Variants in DEPDC5 observed in about 807,000 individuals in gnomAD.
The protein encoded by DEPDC5 is DEP domain containing 5, GATOR1 subcomplex subunit, also known as GATOR1 complex protein DEPDC5.
A neutral mutation model predicts 217.3 loss-of-function variants in DEPDC5; 73 were observed. That is an observed-to-expected ratio of 0.34 (90% confidence interval 0.28 to 0.41). The LOEUF is 0.41. Ranked by LOEUF, DEPDC5 falls within the 10% of genes least tolerant of loss-of-function variation. The pLI, the probability that DEPDC5 is intolerant of heterozygous loss-of-function variation, is 1.00. For synonymous variants in DEPDC5, 733 were observed against 756.7 expected (o/e 0.97, Z 0.51); for missense variants, 1,675 against 2,070.1 (o/e 0.81, Z 3.70).
chr22:31,811,748 A>C (rs2088370359), intron 20 of DEPDC5, among the ~76,000 whole-genome samples: 1 of 151,446 alleles, frequency 6.6e-6, no homozygotes, highest in Non-Finnish European at 1.5e-5. Context: ...GAGGTCTCAC[A>C]TATTGCCAGG....
rs1335760559 is a variant in DEPDC5 at position 31,864,526 on chromosome 22, T to TATATATATATATATATA, written c.3330+3093_3330+3094insATATATATATATATATA. On this transcript the variant is annotated intron_variant, in intron 33 of 42. Coordinates refer to ENST00000651528, the MANE Select transcript of DEPDC5 (RefSeq NM_001242896.3). ...AATATATATATATATATATATATAT[T>TATATATATATATATATA]TATATATTTATTTATTTACTGTGTG... Among the ~76,000 whole-genome samples the TATATATATATATATATA allele has an allele frequency of 1.9e-3, 222 of 117,678 alleles. 2 individuals carry two copies. Among genetic ancestry groups the TATATATATATATATATA allele is most frequent in the Middle Eastern group, 9.2e-3 (2 of 218 alleles). The allele number at this position is 117,678 out of a possible 152,430, so 77.2% of individuals were successfully genotyped here. A position where few individuals can be genotyped will look rare whatever the true frequency, so the allele number is the denominator to read the frequency against.
chr22:31,846,676 G>A (rs751844948), intron 30 of DEPDC5, among the ~76,000 whole-genome samples, 158 bp from the exon 31 acceptor site: 6 of 152,184 alleles, frequency 3.9e-5, no homozygotes, highest in Non-Finnish European at 7.3e-5. Context: ...AATGAAAGGC[G>A]GTTTTCTGTC....
At chr22:31,796,108 T>G (rs2086216369) in intron 12 of DEPDC5, among the ~76,000 whole-genome samples, 1 of 150,806 alleles carries the variant, frequency 6.6e-6, no homozygotes, top group Admixed American at 6.6e-5. Flanking sequence ...TCTTTTTTTT[T>G]TTTTTTTTTT....
chr22:31,780,269 A>G (rs775576300), intron 8 of DEPDC5, among the ~76,000 whole-genome samples: 1 of 152,188 alleles, frequency 6.6e-6, no homozygotes, highest in Non-Finnish European at 1.5e-5. Flanking sequence ...GGGTCCACAG[A>G]ACTTGCTCAT....
intron 10 of DEPDC5, 76 bp downstream of exon 10, chr22:31,784,951 T>A: frequency 7.3e-7 from 1 of 1,375,888 alleles, no homozygotes; most frequent in Non-Finnish European, 1.0e-6. Context: ...ACTGTTTTTA[T>A]TAAATTGCCC....
chr22:31,851,066 CAAAA>C (rs136861), intron 31 of DEPDC5, among the ~76,000 whole-genome samples: 3 of 115,258 alleles, frequency 2.6e-5, no homozygotes, highest in Non-Finnish European at 3.6e-5. Flanking sequence ...GACTCCGTCT[CAAAA>C]AAAAAAAAAA....
At chr22:31,810,098 A>T (rs2088090425) in intron 19 of DEPDC5, among the ~76,000 whole-genome samples, 1 of 152,208 alleles carries the variant, frequency 6.6e-6, no homozygotes, top group Non-Finnish European at 1.5e-5. Flanking sequence ...AGGATCCCTT[A>T]ATTACCTTGT....
At chr22:31,808,328 T>G (rs1438575515) in intron 18 of DEPDC5, among the ~76,000 whole-genome samples, 1 of 151,734 alleles carries the variant, frequency 6.6e-6, no homozygotes, top group African/African-American at 2.4e-5. Flanking sequence ...TGGTGCGATC[T>G]TGGCTCACTG....
intron 10 of DEPDC5, among the ~76,000 whole-genome samples, chr22:31,791,107 T>C (rs1488133073): frequency 6.6e-6 from 1 of 152,084 alleles, no homozygotes; most frequent in Non-Finnish European, 1.5e-5. Flanking sequence ...GTGTCTGTAG[T>C]CCAGCTACTC....
At chr22:31,776,660 T>C (rs1410584841) in intron 7 of DEPDC5, among the ~76,000 whole-genome samples, 1 of 147,974 alleles carries the variant, frequency 6.8e-6, no homozygotes, top group Non-Finnish European at 1.5e-5. Context: ...TACTGCAATC[T>C]CTGCCTCCGG....
intron 11 of DEPDC5, among the ~76,000 whole-genome samples, chr22:31,792,319 C>G (rs2085759477): frequency 6.6e-6 from 1 of 151,878 alleles, no homozygotes; most frequent in South Asian, 2.1e-4. Flanking sequence ...AATAGATAGA[C>G]AGTTGGCTGG....
chr22:31,796,099 CTTTTTTT>C lies in DEPDC5; in HGVS notation c.768-1488_768-1482del, dbSNP rs60336012. ...TGTTAAACACACTGCTCCACAGTATCTTTTTTTTTTTTTTTTTTTGAGGCGAAGTCTC... is the reference window on the plus strand; with the variant it reads ...TGTTAAACACACTGCTCCACAGTATCTTTTTTTTTTTTGAGGCGAAGTCTC... On this transcript the variant is annotated intron_variant, in intron 12 of 42. Transcript: ENST00000651528. Among the ~76,000 whole-genome samples, 6 of 127,522 alleles carry C rather than the reference CTTTTTTT, an allele frequency of 4.7e-5. No individual in the cohort carries two copies. The East Asian group carries it at 1.3e-3, about 28-fold the overall frequency. 83.7% of individuals were successfully genotyped at this position (127,522 alleles called of 152,430 possible).
chr22:31,833,121 GGAGT>G (rs1416531356), intron 24 of DEPDC5, among the ~76,000 whole-genome samples: 1 of 152,164 alleles, frequency 6.6e-6, no homozygotes, highest in Non-Finnish European at 1.5e-5. Flanking sequence ...GGGGAGCAGT[GGAGT>G]GATTATAGCT....
At chr22:31,755,291 G>C (rs1358983594) in intron 2 of DEPDC5, 2 of 391,946 alleles carry the variant, frequency 5.1e-6, no homozygotes, top group African/African-American at 4.1e-5. Context: ...TGGCAGATAA[G>C]AGAAACTAAA....
chr22:31,874,073 G>A (rs991549653), intron 35 of DEPDC5, 200 bp from the exon 36 acceptor site: 19 of 743,648 alleles, frequency 2.6e-5, no homozygotes, highest in African/African-American at 2.0e-4. Flanking sequence ...GATTACAGGC[G>A]TGAGCGACCA....
In DEPDC5 at chr22:31,802,774, G is replaced by A; in HGVS notation, c.1017G>A (p.Gly339=). The A allele has an allele frequency of 6.2e-7, 1 of 1,606,198 alleles. No individual in the cohort carries two copies. The highest frequency in any genetic ancestry group is 1.1e-5 in the South Asian group (1 of 89,250). ...AGATGTCAGTGGTGATCACGCCCGG[G>A]GTGGGTGTCTTTGAAGTGGACCGCC... The part of the protein sequence containing the change: ...TGQMSVVITP[G]VGVFEVDRLL... Residue 339 remains glycine, a synonymous_variant, in exon 15 of 43, where the codon GGG becomes GGA. Coordinates refer to ENST00000651528, the MANE Select transcript of DEPDC5 (RefSeq NM_001242896.3).
intron 32 of DEPDC5, chr22:31,857,815 C>A: frequency 3.3e-6 from 1 of 301,988 alleles, no homozygotes; most frequent in Non-Finnish European, 6.1e-6. Context: ...TTTGGGAGGC[C>A]GAGGCTGGAG....
intron 33 of DEPDC5, among the ~76,000 whole-genome samples, chr22:31,868,033 T>C (rs762479487): frequency 1.6e-4 from 24 of 152,208 alleles, no homozygotes; most frequent in Non-Finnish European, 2.9e-4. Flanking sequence ...TGGTAAACCT[T>C]ACTGGTTAGA....
At chr22:31,821,693 G>C in intron 23 of DEPDC5, 56 bp downstream of exon 23, 2 of 1,592,728 alleles carry the variant, frequency 1.3e-6, no homozygotes. Context: ...CCAGCACCCA[G>C]GACAATGTGC....
Sources: gnomAD v4.1 joint callset for allele counts (sites outside exome capture counted in the v4.1 genomes callset) on GRCh38, gnomAD v4.1.1 for gene constraint, MANE v1.5 for transcripts, NCBI Gene and HGNC (gene_info 2026-07-23, HGNC 2026-07-21) for gene names.